PSD2: variants seen among roughly 807,000 people sequenced by gnomAD.
The protein encoded by PSD2 is PH and SEC7 domain-containing protein 2.
Under a neutral mutation model 69.8 loss-of-function variants are expected in PSD2, and 38 were observed. The observed-to-expected ratio is 0.54, with a 90% confidence interval of 0.42 to 0.71. The LOEUF (loss-of-function observed/expected upper bound fraction) is 0.71, where lower values mean the gene tolerates loss of function less well. Ranked by LOEUF, PSD2 falls within the 30% of genes least tolerant of loss-of-function variation. PSD2 has a pLI of 0.00. For synonymous variants in PSD2, 412 were observed against 423.0 expected (o/e 0.97, Z 0.32); for missense variants, 943 against 1,014.5 (o/e 0.93, Z 0.96).
At chr5:139,762,992 G>A in the PSD2 span, among the ~76,000 whole-genome samples, 1 of 152,104 alleles carries the variant, frequency 6.6e-6, no homozygotes, top group African/African-American at 2.4e-5. Flanking sequence ...ATTCTGCAGC[G>A]CCTCAGAGAG....
At chr5:139,775,707 C>T in the PSD2 span, among the ~76,000 whole-genome samples, 1 of 152,118 alleles carries the variant, frequency 6.6e-6, no homozygotes, top group South Asian at 2.1e-4. Flanking sequence ...GAGCTCTTAT[C>T]GCCCAGGCTG....
chr5:139,791,149 A>G (rs1229258069), upstream of PSD2, among the ~76,000 whole-genome samples: 1 of 151,954 alleles, frequency 6.6e-6, no homozygotes, highest in African/African-American at 2.4e-5. Flanking sequence ...AGAAAAAGGC[A>G]CTCTGCACAG....
intron 2 of PSD2, among the ~76,000 whole-genome samples, chr5:139,810,479 G>A (rs968818085): frequency 1.3e-5 from 2 of 152,232 alleles, no homozygotes; most frequent in African/African-American, 2.4e-5. Context: ...TGGCCTGAAA[G>A]GGCAGTGTAC....
intron 7 of PSD2, among the ~76,000 whole-genome samples, chr5:139,830,572 T>TTCTTTC (rs1760556544): frequency 2.3e-5 from 3 of 132,598 alleles, no homozygotes; most frequent in African/African-American, 6.7e-5. Context: ...CTTCCTTTCT[T>TTCTTTC]TCTTTCTTTC....
chr5:139,761,593 G>A, the PSD2 span, among the ~76,000 whole-genome samples: 2 of 152,134 alleles, frequency 1.3e-5, no homozygotes, highest in African/African-American at 4.8e-5. Flanking sequence ...CTCCTCCGTG[G>A]ACACCAGTTT....
In PSD2 at chr5:139,837,020, G is replaced by A; in HGVS notation, c.1594+19G>A. The A allele has an allele frequency of 6.2e-7, 1 of 1,607,992 alleles. No individual in the cohort carries two copies. Among genetic ancestry groups the A allele is most frequent in the Non-Finnish European group, 8.5e-7 (1 of 1,175,892 alleles). On this transcript the variant is annotated intron_variant, in intron 10 of 14. Coordinates refer to ENST00000274710, the MANE Select transcript of PSD2 (RefSeq NM_032289.4). The surrounding 1 kb of genome is among the most constrained non-coding windows in gnomAD (Gnocchi z 5.0). ...AAGAGGAGTGGGTGTCAGGCTGGGA[G>A]AGGGGCATGGGAGGGAGGCTGGCAC...
chr5:139,770,641 C>T, the PSD2 span, among the ~76,000 whole-genome samples: 232 of 152,304 alleles, frequency 1.5e-3, no homozygotes, highest in Non-Finnish European at 2.7e-3. Flanking sequence ...CATGTTATTT[C>T]GCTGGATAAG....
In PSD2 at chr5:139,837,130, G is replaced by T. The variant is rs865810536; in HGVS notation, c.1595-38G>T. 5.6e-6 allele frequency: 9 copies of T among 1,605,854 alleles called. No homozygotes were observed. In the Middle Eastern group the frequency reaches 1.5e-3, roughly 266 times the overall value. On this transcript the variant is annotated intron_variant, in intron 10 of 14. Coordinates refer to ENST00000274710, the MANE Select transcript of PSD2 (RefSeq NM_032289.4). The surrounding 1 kb of genome is among the most constrained non-coding windows in gnomAD (Gnocchi z 5.0). ...AGGTGGGGTTGGAGAGACTGCAGAG[G>T]GTGGCTGCAGCCACACTACCAGTGC...
At chr5:139,829,918 C>T (rs551796769) in intron 7 of PSD2, among the ~76,000 whole-genome samples, 15 of 151,870 alleles carry the variant, frequency 9.9e-5, no homozygotes, top group South Asian at 2.1e-4. Flanking sequence ...CAACTGTTTT[C>T]CATAGTGGCT....
In PSD2 at chr5:139,838,644, C is replaced by T. The variant is rs775691092; in HGVS notation, c.1840C>T (p.Leu614=). ...TGTCCCCAGGAGCAAGGAAGAAATG[C>T]TGTCCTGGATCCTCAGGATCAACCT... ...LFQAPSKEEM[L]SWILRINLVA... Residue 614 remains leucine (L), a synonymous_variant, in exon 13 of 15, where the codon CTG becomes TTG. Coordinates refer to ENST00000274710, the MANE Select transcript of PSD2 (RefSeq NM_032289.4). 12 of 1,613,216 alleles carry T rather than the reference C, an allele frequency of 7.4e-6. No individual in the cohort carries two copies. The highest frequency in any genetic ancestry group is 4.0e-5 in the African/African-American group (3 of 74,890).
Position 139,814,268 on chromosome 5 carries a change from G to T in PSD2, c.920G>T (p.Cys307Phe), listed in dbSNP as rs748747630. ...AGTGCAGACCCTCTGGCCAACGGGT[G>T]CCAGGGGGTCAGTGAAGCTGCTCAT... ...PGSADPLANG[C>F]QGVSEAAHRL... Residue 307 changes from cysteine to phenylalanine, a missense_variant, in exon 4 of 15, where the codon TGC (cysteine) becomes TTC (phenylalanine). Cys to Phe is a radical substitution (Grantham distance 205). This residue lies in a region of PSD2 where 466 missense variants were observed against 445.0 expected (regional missense o/e 1.05). Coordinates refer to ENST00000274710, the MANE Select transcript of PSD2 (RefSeq NM_032289.4). This position sits in a 1 kb window ranked among gnomAD's most constrained non-coding sequence, Gnocchi z 4.4. The T allele has an allele frequency of 5.6e-6, 9 of 1,613,806 alleles. No individual in the cohort carries two copies. Among genetic ancestry groups the T allele is most frequent in the Non-Finnish European group, 7.6e-6 (9 of 1,179,842 alleles).
At chr5:139,834,251 G>A (rs1760661574) in intron 8 of PSD2, among the ~76,000 whole-genome samples, 1 of 152,078 alleles carries the variant, frequency 6.6e-6, no homozygotes, top group South Asian at 2.1e-4. Flanking sequence ...AGGAAAAGGA[G>A]CAGGTTTTTG....
the PSD2 span, among the ~76,000 whole-genome samples, chr5:139,761,046 C>A: frequency 6.6e-6 from 1 of 152,110 alleles, no homozygotes; most frequent in Admixed American, 6.6e-5. Flanking sequence ...CAGTCCTTAT[C>A]CCCAAGATGC....
chr5:139,835,843 T>TG, intron 9 of PSD2, 77 bp downstream of exon 9: 2 of 1,364,312 alleles, frequency 1.5e-6, no homozygotes, highest in Non-Finnish European at 2.1e-6. Flanking sequence ...AGGTCCGACA[T>TG]TCTGACCACT....
rs765346306 is a variant in PSD2 at position 139,836,936 on chromosome 5, G to C, written c.1529G>C (p.Ser510Thr). ...TTCCTGGATGTCCCACAGGCGCTCAGTGCCACCACCTACAAGCACGGCGTC... is the reference window on the plus strand; with the variant it reads ...TTCCTGGATGTCCCACAGGCGCTCACTGCCACCACCTACAAGCACGGCGTC... ...NPFLDVPQAL[S>T]ATTYKHGVLT... Residue 510 changes from serine to threonine, a missense_variant, in exon 10 of 15, where the codon AGT (serine) becomes ACT (threonine). Coordinates refer to ENST00000274710, the MANE Select transcript of PSD2 (RefSeq NM_032289.4). 2 of 1,614,190 alleles carry C rather than the reference G, an allele frequency of 1.2e-6. No individual in the cohort carries two copies. The highest frequency in any genetic ancestry group is 1.7e-6 in the Non-Finnish European group (2 of 1,180,032).
At chr5:139,831,152 T>C (rs528121537) in intron 7 of PSD2, among the ~76,000 whole-genome samples, 1 of 152,190 alleles carries the variant, frequency 6.6e-6, no homozygotes, top group Admixed American at 6.5e-5. Flanking sequence ...TCTGGCAGAT[T>C]GACCCTTTTA....
chr5:139,805,034 GTGCA>G (rs1458462961), intron 1 of PSD2, among the ~76,000 whole-genome samples: 1 of 151,642 alleles, frequency 6.6e-6, no homozygotes, highest in Admixed American at 6.6e-5. Flanking sequence ...TGTGTGTATT[GTGCA>G]TGTGTGTGCG....
intron 1 of PSD2, among the ~76,000 whole-genome samples, chr5:139,808,289 G>C (rs998207430): frequency 6.6e-6 from 1 of 152,212 alleles, no homozygotes; most frequent in Non-Finnish European, 1.5e-5. Flanking sequence ...GAGGAGGGGA[G>C]AGCCAGAACA....
the PSD2 span, among the ~76,000 whole-genome samples, chr5:139,776,998 T>G: frequency 6.6e-6 from 1 of 152,226 alleles, no homozygotes; most frequent in Non-Finnish European, 1.5e-5. Context: ...CTGGCCTTCT[T>G]GTGCTGTCCA....
Sources: allele counts gnomAD v4.1 joint callset (sites outside exome capture counted in the v4.1 genomes callset), GRCh38; gene constraint gnomAD v4.1.1; regional missense constraint gnomAD v4.1.1; non-coding constraint Gnocchi (gnomAD v3.1); transcripts MANE v1.5; gene names NCBI Gene and HGNC (gene_info 2026-07-23, HGNC 2026-07-21).